Variants in CTNND2 observed in about 807,000 individuals in gnomAD.
CTNND2 encodes catenin delta-2.
A neutral mutation model predicts 144.4 loss-of-function variants in CTNND2; 22 were observed. The observed-to-expected ratio is 0.15, with a 90% CI of 0.11 to 0.22. The LOEUF is 0.22. CTNND2 is among the 10% of genes least tolerant of loss of function. CTNND2 has a pLI of 1.00. For synonymous variants in CTNND2, 751 were observed against 695.6 expected (o/e 1.08, Z -1.25); for missense variants, 1,353 against 1,618.8 (o/e 0.84, Z 2.82).
intron 19 of CTNND2, among the ~76,000 whole-genome samples, chr5:10,989,555 C>T (rs1362414650): frequency 2.0e-5 from 3 of 152,190 alleles, no homozygotes. Flanking sequence ...TCCTCCCCAG[C>T]CAAACTTCAG....
intron 16 of CTNND2, among the ~76,000 whole-genome samples, chr5:11,077,867 G>A (rs1001190164): frequency 2.6e-5 from 4 of 152,196 alleles, no homozygotes; most frequent in African/African-American, 9.7e-5. Context: ...TAGGTATGAG[G>A]TGGATTGCAT....
At chr5:11,660,992 A>C (rs997877746) in intron 2 of CTNND2, among the ~76,000 whole-genome samples, 1 of 152,156 alleles carries the variant, frequency 6.6e-6, no homozygotes, top group South Asian at 2.1e-4. Flanking sequence ...CAGTTGCTAG[A>C]TCAGAGAATT....
At chr5:11,153,369 A>C (rs1015014389) in intron 12 of CTNND2, among the ~76,000 whole-genome samples, 1 of 152,160 alleles carries the variant, frequency 6.6e-6, no homozygotes, top group African/African-American at 2.4e-5. Flanking sequence ...CTTTAAAAAC[A>C]CTTTCTCAAA....
intron 7 of CTNND2, among the ~76,000 whole-genome samples, chr5:11,375,810 A>C (rs1757870280): frequency 6.6e-6 from 1 of 152,186 alleles, no homozygotes; most frequent in African/African-American, 2.4e-5. Flanking sequence ...CATACAATAA[A>C]TACTACATAT....
intron 2 of CTNND2, among the ~76,000 whole-genome samples, chr5:11,664,862 C>T (rs1221836028): frequency 1.3e-5 from 2 of 152,112 alleles, no homozygotes; most frequent in Non-Finnish European, 2.9e-5. Context: ...ATGAAGTCCT[C>T]TTTATTGTTG....
intron 19 of CTNND2, 43 bp downstream of exon 19, chr5:10,992,508 A>G: frequency 1.2e-6 from 2 of 1,612,452 alleles, no homozygotes; most frequent in South Asian, 1.1e-5. Flanking sequence ...TCTTTGCTCA[A>G]CGAGAAATAA....
At chr5:11,029,304 G>A (rs1430135327) in intron 16 of CTNND2, among the ~76,000 whole-genome samples, 1 of 152,048 alleles carries the variant, frequency 6.6e-6, no homozygotes, top group Non-Finnish European at 1.5e-5. Flanking sequence ...CATAAAAAGG[G>A]TCTTATTTCT....
intron 16 of CTNND2, among the ~76,000 whole-genome samples, chr5:11,037,747 A>G (rs1266915181): frequency 6.6e-6 from 1 of 152,194 alleles, no homozygotes; most frequent in Non-Finnish European, 1.5e-5. Flanking sequence ...CATTCCTTAA[A>G]TGGTATCTTC....
At chr5:11,585,988 C>T (rs956789927) in intron 2 of CTNND2, among the ~76,000 whole-genome samples, 3 of 151,974 alleles carry the variant, frequency 2.0e-5, no homozygotes, top group South Asian at 4.2e-4. Flanking sequence ...TCTTGGGAGG[C>T]GTGGGAGGGA....
intron 1 of CTNND2, among the ~76,000 whole-genome samples, chr5:11,895,813 CAA>C (rs1244206204): frequency 6.6e-6 from 1 of 151,902 alleles, no homozygotes. Context: ...AGATAATTCA[CAA>C]AAAAATTAGA....
chr5:11,402,729 T>TG lies in CTNND2; in HGVS notation c.440-5527dup, dbSNP rs1383967747. On this transcript the variant is annotated intron_variant, in intron 5 of 21. Coordinates refer to ENST00000304623, the MANE Select transcript of CTNND2 (RefSeq NM_001332.4). The stretch of plus-strand genomic sequence containing the variant: ...GCTGAGAGAAAAAGCCCAAGGGGCT[T>TG]GTTATGCAAGAAAGCTTCAGAGTTG... Among the ~76,000 whole-genome samples the TG allele has an allele frequency of 3.3e-5, 5 of 152,326 alleles. No homozygotes were observed. In the East Asian group the frequency reaches 7.7e-4, roughly 24 times the overall value.
chr5:11,852,087 T>C (rs188784216), intron 1 of CTNND2, among the ~76,000 whole-genome samples: 2 of 152,254 alleles, frequency 1.3e-5, no homozygotes, highest in Admixed American at 1.3e-4. Flanking sequence ...CGGCATTCAT[T>C]GTTCCTTCCC....
At chr5:11,037,522 C>G (rs1228131281) in intron 16 of CTNND2, among the ~76,000 whole-genome samples, 2 of 152,204 alleles carry the variant, frequency 1.3e-5, no homozygotes, top group Non-Finnish European at 2.9e-5. Context: ...AGTTCCAGAA[C>G]TTGTTTGCAC....
In CTNND2 at chr5:11,832,846, C is replaced by T. The variant is rs182836784; in HGVS notation, c.37+70971G>A. 5.7e-3 allele frequency among the ~76,000 whole-genome samples: 860 copies of T among 152,182 alleles called. 8 individuals are homozygous for T. The highest frequency in any genetic ancestry group is 0.019 in the African/African-American group (794 of 41,504). ...GTTCCTGCTACTCAGGAGGCTGAGG[C>T]AGGAGGACTGCTTGAGCCCAGAAGG... is the stretch of plus-strand genomic sequence containing the variant. On this transcript the variant is annotated intron_variant, in intron 1 of 21. Coordinates refer to ENST00000304623, the MANE Select transcript of CTNND2 (RefSeq NM_001332.4).
intron 1 of CTNND2, among the ~76,000 whole-genome samples, chr5:11,741,825 ATAG>A (rs1788034363): frequency 6.7e-6 from 1 of 148,394 alleles, no homozygotes; most frequent in South Asian, 2.1e-4. Flanking sequence ...ATATGTATAT[ATAG>A]TAGTATTCAT....
intron 1 of CTNND2, among the ~76,000 whole-genome samples, chr5:11,832,782 A>T (rs1793976593): frequency 1.3e-5 from 2 of 152,128 alleles, no homozygotes. Context: ...CTCTACAAAA[A>T]ATAGGAAAAT....
At chr5:11,603,087 G>A (rs1581593717) in intron 2 of CTNND2, among the ~76,000 whole-genome samples, 1 of 152,054 alleles carries the variant, frequency 6.6e-6, no homozygotes, top group South Asian at 2.1e-4. Flanking sequence ...ATTTAGGAGA[G>A]GGTACTTCAC....
At chr5:10,974,312 T>G (rs1038384745) in intron 21 of CTNND2, among the ~76,000 whole-genome samples, 2 of 152,246 alleles carry the variant, frequency 1.3e-5, no homozygotes, top group Non-Finnish European at 2.9e-5. Flanking sequence ...TGATGTGCAT[T>G]GCTCCACTGA....
intron 12 of CTNND2, among the ~76,000 whole-genome samples, chr5:11,132,300 C>T (rs1164776608): frequency 6.6e-6 from 1 of 152,200 alleles, no homozygotes. Context: ...GTATCCGGCC[C>T]TCTCTGCTTT....
Sources: allele counts gnomAD v4.1 joint callset (sites outside exome capture counted in the v4.1 genomes callset), GRCh38; gene constraint gnomAD v4.1.1; transcripts MANE v1.5; gene names NCBI Gene and HGNC (gene_info 2026-07-23, HGNC 2026-07-21).